Variants in LRTM1 observed in about 807,000 individuals in gnomAD.
The protein encoded by LRTM1 is leucine-rich repeat and transmembrane domain-containing protein 1.
A neutral mutation model predicts 32.4 loss-of-function variants in LRTM1; 38 were observed. That is an observed-to-expected ratio of 1.17 (90% CI 0.91 to 1.54). LRTM1 has a LOEUF of 1.54. Among genes scored for constraint, LRTM1 ranks in the 40% most tolerant of loss-of-function variants. The pLI is 0.00. For missense variants in LRTM1, 466 were observed against 415.4 expected, an observed-to-expected ratio of 1.12 and a Z score of -1.06; for synonymous variants, 186 against 169.9, an observed-to-expected ratio of 1.09 and a Z score of -0.74.
chr3:54,937,126 C>T (rs1056624927), intron 1 of LRTM1, among the ~76,000 whole-genome samples: 1 of 152,190 alleles, frequency 6.6e-6, no homozygotes. Flanking sequence ...AAGGTGAAGA[C>T]ACCCTTACTT....
At chr3:54,929,629 T>C (rs922340379), upstream of LRTM1, among the ~76,000 whole-genome samples, 2 of 151,884 alleles carry the variant, frequency 1.3e-5, no homozygotes, top group East Asian at 1.9e-4. Context: ...TGTCCTTCTC[T>C]CCAACATTTT....
intron 2 of LRTM1, among the ~76,000 whole-genome samples, chr3:54,921,190 ACCTCTGTCTTGGGAG>A (rs1486958086): frequency 4.0e-5 from 1 of 24,970 alleles, no homozygotes; most frequent in Non-Finnish European, 7.0e-5. Context: ...GTAGCTCTTC[ACCTCTGTCTTGGGAG>A]AAACTAGATT....
chr3:54,952,557 A>G (rs1211853091), intron 1 of LRTM1, among the ~76,000 whole-genome samples: 1 of 152,240 alleles, frequency 6.6e-6, no homozygotes, highest in African/African-American at 2.4e-5. Context: ...AATCTTTTCT[A>G]TAGGGACAGG....
At chr3:54,934,764 A>G (rs1395661828) in intron 1 of LRTM1, among the ~76,000 whole-genome samples, 2 of 152,130 alleles carry the variant, frequency 1.3e-5, no homozygotes, top group Non-Finnish European at 2.9e-5. Context: ...ACAGAGTGTC[A>G]CCTGTTGCCC....
chr3:54,950,779 C>A (rs565051835), intron 1 of LRTM1, among the ~76,000 whole-genome samples: 1 of 152,166 alleles, frequency 6.6e-6, no homozygotes, highest in East Asian at 1.9e-4. Context: ...GCACCTTGAT[C>A]GGGGCCAAAA....
In LRTM1 at chr3:54,933,515, A is replaced by G. The variant is rs1024961192; in HGVS notation, c.-221-8300T>C. 5.3e-5 allele frequency among the ~76,000 whole-genome samples: 8 copies of G among 152,254 alleles called. No individual in the cohort carries two copies. In the South Asian group the frequency reaches 6.2e-4, roughly 12 times the overall value. On this transcript the variant is annotated intron_variant, in intron 1 of 2. Transcript: ENST00000493075. ...TTAGCCAGAATTAAATCACATGACC[A>G]TGTCTAACAGCAAGAGATGCTGGGA... is the stretch of plus-strand genomic sequence containing the variant.
chr3:54,944,452 G>T (rs1362475382), intron 1 of LRTM1, among the ~76,000 whole-genome samples: 2 of 150,340 alleles, frequency 1.3e-5, no homozygotes, highest in Non-Finnish European at 2.9e-5. Context: ...ACGGAATCTC[G>T]CTCTGTCGCC....
chr3:54,922,761 A>C (rs1700889908), intron 2 of LRTM1, among the ~76,000 whole-genome samples: 1 of 152,002 alleles, frequency 6.6e-6, no homozygotes, highest in Non-Finnish European at 1.5e-5. Context: ...AGAACATCTC[A>C]AACTTGACAT....
intron 1 of LRTM1, among the ~76,000 whole-genome samples, chr3:54,958,565 G>C (rs1244969016): frequency 6.6e-6 from 1 of 152,160 alleles, no homozygotes; most frequent in African/African-American, 2.4e-5. Context: ...GTTGGGATTG[G>C]GACGTCTCCT....
intron 1 of LRTM1, among the ~76,000 whole-genome samples, chr3:54,935,548 G>C (rs1012739764): frequency 6.6e-6 from 1 of 152,184 alleles, no homozygotes; most frequent in African/African-American, 2.4e-5. Context: ...TAGATCTTTT[G>C]AGTGGCTACT....
intron 1 of LRTM1, among the ~76,000 whole-genome samples, chr3:54,944,597 A>C (rs894519166): frequency 9.9e-5 from 15 of 151,632 alleles, no homozygotes; most frequent in Admixed American, 9.8e-4. Context: ...ATTTTTTTGT[A>C]TTTTTAGTAG....
chr3:54,923,230 A>G (rs1199967752), intron 2 of LRTM1, among the ~76,000 whole-genome samples: 1 of 152,204 alleles, frequency 6.6e-6, no homozygotes, highest in Admixed American at 6.5e-5. Context: ...ACACTTCTGC[A>G]TGATCTGACC....
intron 1 of LRTM1, among the ~76,000 whole-genome samples, chr3:54,958,441 G>A (rs557162079): frequency 2.2e-4 from 33 of 152,252 alleles, no homozygotes; most frequent in African/African-American, 7.0e-4. Flanking sequence ...ATTCCCTACA[G>A]CAGTAAGGGA....
At chr3:54,934,560 G>A (rs1489532241) in intron 1 of LRTM1, among the ~76,000 whole-genome samples, 1 of 152,162 alleles carries the variant, frequency 6.6e-6, no homozygotes, top group Non-Finnish European at 1.5e-5. Flanking sequence ...GGTTTGAAAT[G>A]TATGCCTCCA....
intron 1 of LRTM1, among the ~76,000 whole-genome samples, chr3:54,938,865 A>G (rs993178419): frequency 7.2e-5 from 11 of 152,172 alleles, no homozygotes; most frequent in Non-Finnish European, 1.5e-5. Context: ...CATGTGGACA[A>G]TCCCCATTAG....
chr3:54,942,745 C>T, intron 1 of LRTM1, among the ~76,000 whole-genome samples: 1 of 151,946 alleles, frequency 6.6e-6, no homozygotes, highest in Non-Finnish European at 1.5e-5. Context: ...AAAAATTAGG[C>T]CAGGCACAGT....
chr3:54,927,561 C>G (rs1701057503), intron 1 of LRTM1, among the ~76,000 whole-genome samples: 1 of 152,100 alleles, frequency 6.6e-6, no homozygotes, highest in South Asian at 2.1e-4. Context: ...AAAGGCTTGC[C>G]TCTCTGAGAT....
intron 1 of LRTM1, among the ~76,000 whole-genome samples, chr3:54,945,591 T>C (rs1701591755): frequency 6.6e-6 from 1 of 152,190 alleles, no homozygotes; most frequent in Admixed American, 6.5e-5. Flanking sequence ...GGGCAAGTTA[T>C]GTAAGTTCTT....
intron 2 of LRTM1, among the ~76,000 whole-genome samples, chr3:54,922,262 C>T (rs1700873833): frequency 6.6e-6 from 1 of 151,634 alleles, no homozygotes; most frequent in South Asian, 2.1e-4. Context: ...AAGTTTGTGG[C>T]AGAGTAGGGC....
Sources: allele counts gnomAD v4.1 joint callset (sites outside exome capture counted in the v4.1 genomes callset), GRCh38; gene constraint gnomAD v4.1.1; transcripts MANE v1.5; gene names NCBI Gene and HGNC (gene_info 2026-07-23, HGNC 2026-07-21).